The following PAK1 variants were observed in gnomAD, a reference collection of about 807,000 sequenced individuals.
The protein encoded by PAK1 is p21 (RAC1) activated kinase 1.
PAK1 carries 29 observed loss-of-function variants against 67.4 expected under a neutral mutation model. The ratio of observed to expected loss-of-function variants is 0.43; its 90% CI spans 0.32 to 0.59. PAK1 has a LOEUF of 0.59. PAK1 is among the 20% of genes least tolerant of loss of function. PAK1 has a pLI of 0.07. For missense variants in PAK1, 337 were observed against 670.7 expected (o/e 0.50, Z 5.50); for synonymous variants, 223 against 237.4 (o/e 0.94, Z 0.56).
At chr11:77,463,490 C>G (rs1957455593) in intron 1 of PAK1, among the ~76,000 whole-genome samples, 1 of 152,122 alleles carries the variant, frequency 6.6e-6, no homozygotes, top group Non-Finnish European at 1.5e-5. Flanking sequence ...GTCCACCTAC[C>G]ACAGATAGCC....
chr11:77,330,257 C>T (rs1408438150), intron 14 of PAK1, among the ~76,000 whole-genome samples: 1 of 152,054 alleles, frequency 6.6e-6, no homozygotes, highest in African/African-American at 2.4e-5. Context: ...CTACCAATGA[C>T]TTTCTTCACA....
At chr11:77,511,189 GCT>G in the PAK1 span, among the ~76,000 whole-genome samples, 17 of 152,150 alleles carry the variant, frequency 1.1e-4, no homozygotes, top group Non-Finnish European at 2.2e-4. Context: ...GAACCTGACA[GCT>G]CTGCACACAG....
At position 77,369,457 on chromosome 11, in the gene PAK1, T is replaced by C. The variant is rs1324124827; in HGVS notation, c.477+4871A>G. On this transcript the variant is annotated intron_variant, in intron 5 of 14. Coordinates refer to ENST00000356341, the MANE Select transcript of PAK1 (RefSeq NM_002576.5). ...CCTTATACATTTCTTTTTTTTTTTT[T>C]TTTTTTTTGAGATGGAGTCTCGCTT... Among the ~76,000 whole-genome samples, 24 of 142,288 alleles carry C rather than the reference T, an allele frequency of 1.7e-4. 1 individual carries two copies. Among genetic ancestry groups the C allele is most frequent in the African/African-American group, 5.2e-4 (20 of 38,748 alleles). The allele number at this position is 142,288 out of a possible 152,430, so 93.3% of individuals were successfully genotyped here.
chr11:77,417,566 T>C (rs969563691), intron 1 of PAK1, among the ~76,000 whole-genome samples: 1 of 152,262 alleles, frequency 6.6e-6, no homozygotes, highest in East Asian at 1.9e-4. Context: ...ACACATACTA[T>C]GCATTTGTCA....
chr11:77,364,865 G>A (rs1947285344), intron 5 of PAK1, among the ~76,000 whole-genome samples: 1 of 152,088 alleles, frequency 6.6e-6, no homozygotes, highest in Non-Finnish European at 1.5e-5. Context: ...TGAACCAAAT[G>A]GAAATACTAC....
At chr11:77,382,301 T>C (rs1406159535) in intron 2 of PAK1, among the ~76,000 whole-genome samples, 2 of 152,188 alleles carry the variant, frequency 1.3e-5, no homozygotes, top group Non-Finnish European at 2.9e-5. Context: ...CACAGGGTAA[T>C]GCTAAAGTCA....
chr11:77,437,454 T>C (rs1173517254), intron 1 of PAK1, among the ~76,000 whole-genome samples: 2 of 152,192 alleles, frequency 1.3e-5, no homozygotes, highest in South Asian at 2.1e-4. Context: ...AATAAGATTA[T>C]AATAATATTA....
chr11:77,344,225 A>G (rs376223741), intron 9 of PAK1, among the ~76,000 whole-genome samples: 8 of 152,250 alleles, frequency 5.3e-5, no homozygotes, highest in African/African-American at 1.9e-4. Context: ...GATACACATC[A>G]AAGTTTCAGA....
upstream of PAK1, among the ~76,000 whole-genome samples, chr11:77,478,648 C>A (rs1374883491): frequency 1.3e-5 from 2 of 151,364 alleles, no homozygotes; most frequent in African/African-American, 4.9e-5. Flanking sequence ...GGCGTGGTGG[C>A]ATGTGCCTGT....
chr11:77,464,356 C>T (rs1222276206), intron 1 of PAK1, among the ~76,000 whole-genome samples: 3 of 152,188 alleles, frequency 2.0e-5, no homozygotes, highest in Non-Finnish European at 4.4e-5. Flanking sequence ...CTTATCACTC[C>T]AAAATTCTCT....
At chr11:77,466,486 C>T (rs1375802791) in intron 1 of PAK1, among the ~76,000 whole-genome samples, 1 of 151,964 alleles carries the variant, frequency 6.6e-6, no homozygotes, top group Non-Finnish European at 1.5e-5. Flanking sequence ...ACCTGTGGTC[C>T]CAGCTACTTG....
At chr11:77,469,729 A>C (rs1288222664) in intron 1 of PAK1, among the ~76,000 whole-genome samples, 1 of 152,040 alleles carries the variant, frequency 6.6e-6, no homozygotes, top group Admixed American at 6.6e-5. Flanking sequence ...AATGACCCAG[A>C]AGGAGCAAAC....
chr11:77,378,123 T>C (rs1475300824), intron 4 of PAK1, among the ~76,000 whole-genome samples: 1 of 152,232 alleles, frequency 6.6e-6, no homozygotes, highest in Non-Finnish European at 1.5e-5. Flanking sequence ...TACTGCCATT[T>C]GAAGGAGGCA....
At chr11:77,370,890 C>G (rs1434728740) in intron 5 of PAK1, among the ~76,000 whole-genome samples, 3 of 152,242 alleles carry the variant, frequency 2.0e-5, no homozygotes, top group Non-Finnish European at 2.9e-5. Flanking sequence ...AGCTCCAGCA[C>G]AAAGTCCAAG....
At chr11:77,384,308 AATAAAGCAAACCTAGGATCCTG>A (rs1159394920) in intron 2 of PAK1, among the ~76,000 whole-genome samples, 3 of 152,166 alleles carry the variant, frequency 2.0e-5, no homozygotes, top group African/African-American at 7.2e-5. Context: ...CAATGGAGAA[AATAAAGCAAACCTAGGATCCTG>A]ATGGTCCCAT....
intron 3 of PAK1, among the ~76,000 whole-genome samples, 164 bp downstream of exon 3, chr11:77,379,730 A>G (rs1949571396): frequency 6.6e-6 from 1 of 152,190 alleles, no homozygotes; most frequent in South Asian, 2.1e-4. Flanking sequence ...GCTTCTCTGG[A>G]TACAATTTTG....
intron 2 of PAK1, among the ~76,000 whole-genome samples, chr11:77,382,254 G>C (rs1363087689): frequency 2.6e-5 from 4 of 152,102 alleles, no homozygotes; most frequent in African/African-American, 4.8e-5. Context: ...TTACAGAAAA[G>C]AGTTCCAGAG....
At chr11:77,429,069 A>C (rs1267996901) in intron 1 of PAK1, among the ~76,000 whole-genome samples, 2 of 113,702 alleles carry the variant, frequency 1.8e-5, no homozygotes, top group Non-Finnish European at 3.3e-5. Context: ...AAAAAAAAAA[A>C]AAAAAAAAAA....
the PAK1 span, among the ~76,000 whole-genome samples, chr11:77,482,295 G>T: frequency 1.3e-5 from 2 of 151,282 alleles, no homozygotes; most frequent in Admixed American, 6.6e-5. Flanking sequence ...GGCCTATTTT[G>T]CTTCTTTATT....
Sources: gnomAD v4.1 joint callset for allele counts (sites outside exome capture counted in the v4.1 genomes callset) on GRCh38, gnomAD v4.1.1 for gene constraint, MANE v1.5 for transcripts, NCBI Gene and HGNC (gene_info 2026-07-23, HGNC 2026-07-21) for gene names.